The following KDM4B variants were observed in gnomAD, a reference collection of about 807,000 sequenced individuals.
The protein encoded by KDM4B is lysine-specific demethylase 4B.
In KDM4B, 32 loss-of-function variants were observed where a neutral mutation model predicts 125.2. That is an observed-to-expected ratio of 0.26 (90% CI 0.19 to 0.34). The LOEUF is 0.34. Among genes scored for constraint, KDM4B ranks in the 10% least tolerant of loss-of-function variants. KDM4B has a pLI of 1.00. For synonymous variants in KDM4B, 721 were observed against 677.9 expected, an observed-to-expected ratio of 1.06 and a Z score of -0.99; for missense variants, 1,190 against 1,577.7, an observed-to-expected ratio of 0.75 and a Z score of 4.16.
intron 2 of KDM4B, among the ~76,000 whole-genome samples, chr19:5,031,789 C>T (rs188089815): frequency 2.6e-5 from 4 of 152,320 alleles, no homozygotes; most frequent in East Asian, 3.9e-4. Context: ...CCCTCTAGTG[C>T]CCGCAGTGGG....
Position 5,077,448 on chromosome 19 carries a change from A to AGTACGGGATCCCCTTCAGCCGGGTGC in KDM4B, c.766_780+11dup, listed in dbSNP as rs1175324402. ...CTCATCTCGCCCATCATCCTGAAGA[A>AGTACGGGATCCCCTTCAGCCGGGTGC]GTACGGGATCCCCTTCAGCCGGGTG... is the stretch of plus-strand genomic sequence containing the variant. On this transcript the variant is annotated frameshift_variant, in exon 8 of 23. Transcript: ENST00000159111. LOFTEE classifies it high-confidence loss of function. The AGTACGGGATCCCCTTCAGCCGGGTGC allele has an allele frequency of 6.2e-7, 1 of 1,613,398 alleles. No homozygotes were observed. The highest frequency in any genetic ancestry group is 2.2e-5 in the East Asian group (1 of 44,892).
chr19:5,045,890 G>A (rs1381967730), intron 5 of KDM4B, among the ~76,000 whole-genome samples: 4 of 152,224 alleles, frequency 2.6e-5, no homozygotes, highest in African/African-American at 7.2e-5. Context: ...GATTACAGGC[G>A]TGAGCTACCG....
At chr19:4,994,610 A>G (rs920622569) in intron 1 of KDM4B, among the ~76,000 whole-genome samples, 1 of 149,290 alleles carries the variant, frequency 6.7e-6, no homozygotes, top group Non-Finnish European at 1.5e-5. Context: ...TGAAGACAGT[A>G]TATAGTATAG....
In KDM4B at chr19:5,131,804, C is replaced by T. The variant is rs370044451; in HGVS notation, c.1786-83C>T. On this transcript the variant is annotated intron_variant, in intron 12 of 22. Transcript: ENST00000159111. ...GGAGAGGAGACTCAGGCCTCAGGCACGCCGAGCCCCTGTGTGGCTCCGAGG... is the reference window on the plus strand; with the variant it reads ...GGAGAGGAGACTCAGGCCTCAGGCATGCCGAGCCCCTGTGTGGCTCCGAGG... The T allele has an allele frequency of 2.4e-3, 3,725 of 1,575,330 alleles. 9 individuals carry two copies. The highest frequency in any genetic ancestry group is 5.0e-3 in the East Asian group (225 of 44,598).
chr19:5,121,714 C>T (rs1175113154), intron 11 of KDM4B, among the ~76,000 whole-genome samples: 1 of 152,042 alleles, frequency 6.6e-6, no homozygotes, highest in African/African-American at 2.4e-5. Context: ...AAGGACCTAC[C>T]AGGTGTTAGG....
intron 6 of KDM4B, among the ~76,000 whole-genome samples, chr19:5,057,026 A>ATGTGTGTGTGTG (rs1404957430): frequency 1.1e-4 from 14 of 124,886 alleles, no homozygotes; most frequent in African/African-American, 4.7e-4. Flanking sequence ...CCAGATATAT[A>ATGTGTGTGTGTG]TGCGTGTGTG....
chr19:5,063,102 TGAA>T (rs2037659014), intron 6 of KDM4B, among the ~76,000 whole-genome samples: 1 of 152,128 alleles, frequency 6.6e-6, no homozygotes, highest in Non-Finnish European at 1.5e-5. Context: ...TGCCTCGCCA[TGAA>T]GGTGGTAGTG....
At chr19:5,119,364 G>A in intron 10 of KDM4B, 1 of 666,982 alleles carries the variant, frequency 1.5e-6, no homozygotes, top group South Asian at 1.8e-5. Flanking sequence ...CCTGGTGTCA[G>A]TCGGCTTCCC....
chr19:5,146,749 AG>A (rs2039852006), intron 21 of KDM4B, among the ~76,000 whole-genome samples: 1 of 53,164 alleles, frequency 1.9e-5, no homozygotes, highest in African/African-American at 9.3e-5. Flanking sequence ...CAACAAAGTG[AG>A]ACCCCCCCCC....
Position 5,081,353 on chromosome 19 carries a change from C to T in KDM4B, c.781-1014C>T, listed in dbSNP as rs8101078. Among the ~76,000 whole-genome samples the T allele has an allele frequency of 0.084, 12,784 of 152,176 alleles. 601 individuals are homozygous for T. Among genetic ancestry groups the T allele is most frequent in the African/African-American group, 0.12 (4,901 of 41,504 alleles). On this transcript the variant is annotated intron_variant, in intron 8 of 22. Transcript: ENST00000159111. This position sits in a 1 kb window ranked among gnomAD's most constrained non-coding sequence, Gnocchi z 4.2. ...GGTCGTCTTTCAAAGGCTTTATCAA[C>T]GGGCTTAGCAGTGAGCAGGGAGTGG...
At chr19:5,113,825 C>G in intron 10 of KDM4B, 1 of 936,610 alleles carries the variant, frequency 1.1e-6, no homozygotes, top group Non-Finnish European at 1.3e-6. Flanking sequence ...CCCTCACCCC[C>G]GTGCAGTCCA....
intron 9 of KDM4B, among the ~76,000 whole-genome samples, chr19:5,087,914 G>A (rs192125189): frequency 1.1e-4 from 17 of 152,288 alleles, no homozygotes; most frequent in South Asian, 6.2e-4. Context: ...TGGGCTGTTC[G>A]GAGGGTTTGG....
chr19:5,139,206 G>A (rs563304124), intron 18 of KDM4B, among the ~76,000 whole-genome samples: 1 of 152,330 alleles, frequency 6.6e-6, no homozygotes, highest in African/African-American at 2.4e-5. Flanking sequence ...ACAGGCGCGA[G>A]TGGTGTCTTT....
rs921006799 is a variant in KDM4B, at chr19:5,114,856, C to A, written c.1115+4038C>A. Among the ~76,000 whole-genome samples, 1 of 152,256 alleles carries A rather than the reference C, an allele frequency of 6.6e-6. No individual in the cohort carries two copies. Among genetic ancestry groups the A allele is most frequent in the Non-Finnish European group, 1.5e-5 (1 of 68,044 alleles). On this transcript the variant is annotated intron_variant, in intron 10 of 22. Transcript: ENST00000159111. This position sits in a 1 kb window ranked among gnomAD's most constrained non-coding sequence, Gnocchi z 5.8. The stretch of plus-strand genomic sequence containing the variant: ...ACCCCGCCTCCTGCCATACAAGCTG[C>A]AAAGGACACCTGCTTCCACCTTGGA...
rs2039160253 is a variant in KDM4B, at chr19:5,112,121, T to C, written c.1115+1303T>C. ...TTTAAAAATCAGCTGGGTGTGGTGG[T>C]GTGCGCCTGTGGTCCCAACTACTGA... On this transcript the variant is annotated intron_variant, in intron 10 of 22. Coordinates refer to ENST00000159111, the MANE Select transcript of KDM4B (RefSeq NM_015015.3). 1.4e-5 allele frequency: 5 copies of C among 356,080 alleles called. No individual in the cohort carries two copies. In the South Asian group the frequency reaches 1.6e-4, roughly 11 times the overall value. 22.1% of individuals were successfully genotyped at this position (356,080 alleles called of 1,614,324 possible).
chr19:5,088,371 TC>T (rs1362915685), intron 9 of KDM4B, among the ~76,000 whole-genome samples: 2 of 151,676 alleles, frequency 1.3e-5, no homozygotes, highest in Non-Finnish European at 2.9e-5. Flanking sequence ...TGTCTCCAAC[TC>T]CCCCCGTGAT....
At chr19:5,100,224 C>T (rs1460896400) in intron 9 of KDM4B, among the ~76,000 whole-genome samples, 1 of 152,234 alleles carries the variant, frequency 6.6e-6, no homozygotes, top group African/African-American at 2.4e-5. Context: ...TGGGCCTTTC[C>T]ATCCATCTTT....
rs138206415 is a variant in KDM4B at position 5,058,400 on chromosome 19, G to A, written c.626+10731G>A. 3.9e-5 allele frequency among the ~76,000 whole-genome samples: 6 copies of A among 152,322 alleles called. No individual in the cohort carries two copies. The East Asian group carries it at 9.7e-4, about 25-fold the overall frequency. Reference sequence around the variant, plus strand: ...GGGATGGAGGCAGGGAGAATGGGGGGCTCTGAGGACTGAGGGAGGAGGGGA... The same window carrying A: ...GGGATGGAGGCAGGGAGAATGGGGGACTCTGAGGACTGAGGGAGGAGGGGA... On this transcript the variant is annotated intron_variant, in intron 6 of 22. Coordinates refer to ENST00000159111, the MANE Select transcript of KDM4B (RefSeq NM_015015.3).
rs924173470 is a variant in KDM4B, at chr19:5,142,607, G to A, written c.2551-1360G>A. On this transcript the variant is annotated intron_variant, in intron 18 of 22. Coordinates refer to ENST00000159111, the MANE Select transcript of KDM4B (RefSeq NM_015015.3). The surrounding 1 kb of genome is among the most constrained non-coding windows in gnomAD (Gnocchi z 5.4). ...GGCCTGTGGGTGACGTGTTCAAGAC[G>A]GCTCAGCAACCCCACCTGACAGTGT... 6.6e-6 allele frequency among the ~76,000 whole-genome samples: 1 copy of A among 152,002 alleles called. No individual in the cohort carries two copies. The highest frequency in any genetic ancestry group is 2.1e-4 in the South Asian group (1 of 4,830).
Sources: allele counts gnomAD v4.1 joint callset (sites outside exome capture counted in the v4.1 genomes callset), GRCh38; gene constraint gnomAD v4.1.1; non-coding constraint Gnocchi (gnomAD v3.1); transcripts MANE v1.5; gene names NCBI Gene and HGNC (gene_info 2026-07-23, HGNC 2026-07-21).